PPARGC1A: variants seen among roughly 807,000 people sequenced by gnomAD.
PPARGC1A encodes peroxisome proliferator-activated receptor gamma coactivator 1-alpha.
Under a neutral mutation model 88.7 loss-of-function variants are expected in PPARGC1A, and 25 were observed. The observed-to-expected ratio is 0.28, with a 90% CI of 0.21 to 0.39. The LOEUF (loss-of-function observed/expected upper bound fraction) is 0.39, where lower values mean the gene tolerates loss of function less well. Among genes scored for constraint, PPARGC1A ranks in the 10% least tolerant of loss-of-function variants. The pLI, the probability that PPARGC1A is intolerant of heterozygous loss-of-function variation, is 1.00. For synonymous variants in PPARGC1A, 363 were observed against 355.6 expected (o/e 1.02, Z -0.24); for missense variants, 880 against 968.7 (o/e 0.91, Z 1.22).
At chr4:24,371,782 A>T in the PPARGC1A span, among the ~76,000 whole-genome samples, 2 of 130,166 alleles carry the variant, frequency 1.5e-5, no homozygotes, top group Non-Finnish European at 3.3e-5. Flanking sequence ...CTCCACAAAA[A>T]ATACAAAAAA....
chr4:24,354,510 A>G, the PPARGC1A span, among the ~76,000 whole-genome samples: 1 of 152,226 alleles, frequency 6.6e-6, no homozygotes, highest in Non-Finnish European at 1.5e-5. Flanking sequence ...GAGTAGTTCT[A>G]TCATTTAGTT....
chr4:24,303,679 A>G, the PPARGC1A span, among the ~76,000 whole-genome samples: 1 of 129,696 alleles, frequency 7.7e-6, no homozygotes, highest in Non-Finnish European at 1.6e-5. Flanking sequence ...CCAACTTTCC[A>G]AAGGGAAAAA....
At chr4:24,108,393 C>A in the PPARGC1A span, among the ~76,000 whole-genome samples, 1 of 152,018 alleles carries the variant, frequency 6.6e-6, no homozygotes, top group Admixed American at 6.6e-5. Flanking sequence ...AACCATTAGG[C>A]CAAATAATTT....
At chr4:24,462,260 T>TTTG in the PPARGC1A span, among the ~76,000 whole-genome samples, 1 of 151,486 alleles carries the variant, frequency 6.6e-6, no homozygotes, top group African/African-American at 2.4e-5. Context: ...TAAATTTTTT[T>TTTG]TTTTTTTTGT....
the PPARGC1A span, among the ~76,000 whole-genome samples, chr4:24,189,123 G>A: frequency 1.3e-5 from 2 of 152,128 alleles, no homozygotes; most frequent in African/African-American, 2.4e-5. Context: ...AAAGTAGAAC[G>A]CTGGTTGCCA....
At chr4:23,907,737 G>A (rs903430151), upstream of PPARGC1A, among the ~76,000 whole-genome samples, 2 of 152,180 alleles carry the variant, frequency 1.3e-5, no homozygotes, top group Non-Finnish European at 2.9e-5. Flanking sequence ...TACGTAGTTC[G>A]AGTGGCTCAG....
At chr4:24,013,211 T>G in the PPARGC1A span, among the ~76,000 whole-genome samples, 1 of 152,138 alleles carries the variant, frequency 6.6e-6, no homozygotes, top group Non-Finnish European at 1.5e-5. Flanking sequence ...AGAGCATTAA[T>G]TAATTAATTT....
the PPARGC1A span, among the ~76,000 whole-genome samples, chr4:24,352,262 C>A: frequency 6.6e-6 from 1 of 152,074 alleles, no homozygotes; most frequent in Admixed American, 6.5e-5. Flanking sequence ...AGCTGGGGCA[C>A]ACAGCTCAAA....
At chr4:23,950,501 G>C in the PPARGC1A span, among the ~76,000 whole-genome samples, 1 of 152,156 alleles carries the variant, frequency 6.6e-6, no homozygotes, top group Non-Finnish European at 1.5e-5. Context: ...CTCTCTCAGT[G>C]CTGAAAGGTA....
chr4:23,807,602 A>G (rs73095191), intron 10 of PPARGC1A, among the ~76,000 whole-genome samples: 12,999 of 152,238 alleles, frequency 0.085, 608 homozygotes, highest in East Asian at 0.19. Flanking sequence ...GATATATCAA[A>G]AAACTGTACA....
At chr4:24,208,685 AT>A in the PPARGC1A span, among the ~76,000 whole-genome samples, 34 of 132,222 alleles carry the variant, frequency 2.6e-4, no homozygotes, top group African/African-American at 8.1e-4. Flanking sequence ...GAAAAAAAAT[AT>A]ATATATATAT....
At chr4:24,118,715 T>C in the PPARGC1A span, among the ~76,000 whole-genome samples, 3 of 152,132 alleles carry the variant, frequency 2.0e-5, no homozygotes, top group Admixed American at 1.3e-4. Context: ...CTGATAAAAA[T>C]ATACTCAAAA....
intron 2 of PPARGC1A, chr4:23,880,599 G>T (rs1352117259): frequency 1.3e-5 from 2 of 152,168 alleles, no homozygotes; most frequent in Non-Finnish European, 1.5e-5. Context: ...ATAACTGAAA[G>T]CCAAATGAAG....
At chr4:24,117,674 A>G in the PPARGC1A span, among the ~76,000 whole-genome samples, 1 of 151,918 alleles carries the variant, frequency 6.6e-6, no homozygotes, top group South Asian at 2.1e-4. Context: ...CCTTCCATTA[A>G]TATCTGCCGC....
chr4:24,188,112 G>A, the PPARGC1A span, among the ~76,000 whole-genome samples: 4 of 152,138 alleles, frequency 2.6e-5, no homozygotes, highest in Non-Finnish European at 4.4e-5. Context: ...TAAGGCAATG[G>A]CATAATATAA....
At chr4:23,941,124 C>T in the PPARGC1A span, among the ~76,000 whole-genome samples, 26 of 152,150 alleles carry the variant, frequency 1.7e-4, no homozygotes, top group African/African-American at 6.3e-4. Context: ...AGTCATAGCT[C>T]ACTGTATCCC....
At chr4:24,233,015 C>T in the PPARGC1A span, among the ~76,000 whole-genome samples, 44 of 152,054 alleles carry the variant, frequency 2.9e-4, no homozygotes, top group African/African-American at 9.9e-4. Context: ...AGAGTGTCCA[C>T]ACAAGGATCC....
chr4:24,196,549 C>T, the PPARGC1A span, among the ~76,000 whole-genome samples: 4 of 152,176 alleles, frequency 2.6e-5, no homozygotes, highest in African/African-American at 4.8e-5. Context: ...TGACTCATGA[C>T]GGACCTCCAG....
At chr4:24,219,978 C>T in the PPARGC1A span, among the ~76,000 whole-genome samples, 3 of 152,064 alleles carry the variant, frequency 2.0e-5, no homozygotes, top group Non-Finnish European at 4.4e-5. Flanking sequence ...TAAGTCAATT[C>T]ATTTTGAGGA....
Sources: allele counts gnomAD v4.1 joint callset (sites outside exome capture counted in the v4.1 genomes callset), GRCh38; gene constraint gnomAD v4.1.1; transcripts MANE v1.5; gene names NCBI Gene and HGNC (gene_info 2026-07-23, HGNC 2026-07-21).